Variants in FHIT observed in about 807,000 individuals in gnomAD.
FHIT encodes the protein fragile histidine triad diadenosine triphosphatase.
A neutral mutation model predicts 17.9 loss-of-function variants in FHIT; 19 were observed. The observed-to-expected ratio is 1.06, with a 90% CI of 0.74 to 1.56. The LOEUF is 1.56. Among genes scored for constraint, FHIT ranks in the 40% most tolerant of loss-of-function variants. FHIT has a pLI of 0.00. For missense variants in FHIT, 248 were observed against 189.2 expected, an observed-to-expected ratio of 1.31 and a Z score of -1.82; for synonymous variants, 81 against 69.7, an observed-to-expected ratio of 1.16 and a Z score of -0.81.
chr3:60,945,817 A>G (rs12493259), intron 3 of FHIT, among the ~76,000 whole-genome samples: 38,583 of 152,108 alleles, frequency 0.25, 6,039 homozygotes, highest in East Asian at 0.6. Context: ...CAACTGATTG[A>G]GAGAGCTGGG....
intron 5 of FHIT, among the ~76,000 whole-genome samples, chr3:60,417,610 G>A (rs928710557): frequency 5.9e-5 from 9 of 152,244 alleles, no homozygotes; most frequent in East Asian, 1.9e-4. Flanking sequence ...TTTTTATACT[G>A]AATGTCATCA....
chr3:60,890,281 G>A (rs941610873), intron 3 of FHIT, among the ~76,000 whole-genome samples: 1 of 145,280 alleles, frequency 6.9e-6, no homozygotes, highest in Non-Finnish European at 1.5e-5. Flanking sequence ...ATAAACACTT[G>A]TGAAGAGACT....
intron 5 of FHIT, among the ~76,000 whole-genome samples, chr3:60,124,985 T>C (rs981518546): frequency 6.6e-6 from 1 of 152,188 alleles, no homozygotes; most frequent in African/African-American, 2.4e-5. Flanking sequence ...TTTTAGTAAG[T>C]TCCCAAATGC....
intron 7 of FHIT, among the ~76,000 whole-genome samples, chr3:59,934,267 C>T (rs1385813): frequency 0.055 from 8,377 of 152,130 alleles, 265 homozygotes; most frequent in South Asian, 0.085. Context: ...GGCCGAGGAA[C>T]GTGGAATGAG....
intron 8 of FHIT, among the ~76,000 whole-genome samples, chr3:59,865,006 T>G (rs1331685482): frequency 2.0e-5 from 3 of 152,162 alleles, no homozygotes; most frequent in African/African-American, 7.2e-5. Flanking sequence ...TAATTAATGA[T>G]CCACATTCAG....
intron 5 of FHIT, among the ~76,000 whole-genome samples, chr3:60,388,704 T>C (rs993127676): frequency 1.3e-5 from 2 of 152,230 alleles, no homozygotes; most frequent in African/African-American, 4.8e-5. Context: ...ACATTGCTAC[T>C]TACTTTCCTC....
intron 4 of FHIT, among the ~76,000 whole-genome samples, chr3:60,590,025 C>A (rs1237746295): frequency 3.3e-5 from 5 of 152,068 alleles, no homozygotes; most frequent in Non-Finnish European, 7.4e-5. Flanking sequence ...AGAGAGGACA[C>A]ATCTACAAGA....
At chr3:60,888,557 C>T (rs1333817599) in intron 3 of FHIT, among the ~76,000 whole-genome samples, 2 of 151,850 alleles carry the variant, frequency 1.3e-5, no homozygotes, top group Admixed American at 6.6e-5. Context: ...TTTAGAATAA[C>T]ATGTCAAATT....
At chr3:61,094,019 T>C (rs761130143) in intron 2 of FHIT, among the ~76,000 whole-genome samples, 4 of 152,184 alleles carry the variant, frequency 2.6e-5, no homozygotes, top group Non-Finnish European at 4.4e-5. Flanking sequence ...TCAAATGAGT[T>C]TTCCCTGTAG....
At chr3:60,690,461 T>A in intron 4 of FHIT, 1 of 575,020 alleles carries the variant, frequency 1.7e-6, no homozygotes, top group Non-Finnish European at 3.5e-6. Flanking sequence ...AGGATGAAGT[T>A]CTCGTCATCA....
At chr3:60,189,652 A>G (rs1702312711) in intron 5 of FHIT, among the ~76,000 whole-genome samples, 1 of 152,220 alleles carries the variant, frequency 6.6e-6, no homozygotes, top group African/African-American at 2.4e-5. Flanking sequence ...ATCATTACAG[A>G]ATTCACTAGA....
At chr3:60,838,101 C>CTCTTT (rs1233601913) in intron 3 of FHIT, among the ~76,000 whole-genome samples, 1 of 152,162 alleles carries the variant, frequency 6.6e-6, no homozygotes, top group Non-Finnish European at 1.5e-5. Context: ...AATTAGATAA[C>CTCTTT]TCTTTTCTTT....
chr3:60,195,028 T>C (rs1164957939), intron 5 of FHIT, among the ~76,000 whole-genome samples: 1 of 152,070 alleles, frequency 6.6e-6, no homozygotes, highest in Non-Finnish European at 1.5e-5. Context: ...TAGCCAGGCA[T>C]AGCGGCAGGG....
intron 5 of FHIT, among the ~76,000 whole-genome samples, chr3:60,072,892 C>G (rs73093924): frequency 6.6e-6 from 1 of 152,224 alleles, no homozygotes; most frequent in East Asian, 1.9e-4. Context: ...GGGAGAGATT[C>G]AACCATCTCC....
At chr3:59,904,491 A>G (rs1424558393) in intron 8 of FHIT, among the ~76,000 whole-genome samples, 1 of 152,138 alleles carries the variant, frequency 6.6e-6, no homozygotes, top group Non-Finnish European at 1.5e-5. Context: ...ATTCCCCACA[A>G]TCAGGAGACA....
intron 4 of FHIT, among the ~76,000 whole-genome samples, chr3:60,570,473 T>C (rs567447519): frequency 3.3e-5 from 5 of 152,172 alleles, no homozygotes; most frequent in African/African-American, 1.2e-4. Flanking sequence ...GATAAGAACC[T>C]GTAACTTATC....
At chr3:60,911,048 T>C (rs1706715497) in intron 3 of FHIT, among the ~76,000 whole-genome samples, 1 of 152,126 alleles carries the variant, frequency 6.6e-6, no homozygotes, top group South Asian at 2.1e-4. Context: ...TGAGAACCAA[T>C]GCTGTTTTTG....
intron 5 of FHIT, among the ~76,000 whole-genome samples, chr3:60,152,618 TAAC>T (rs1700514406): frequency 6.6e-6 from 1 of 152,040 alleles, no homozygotes; most frequent in Non-Finnish European, 1.5e-5. Flanking sequence ...AACCCCAAAA[TAAC>T]AAAGGAAAAC....
intron 5 of FHIT, among the ~76,000 whole-genome samples, chr3:60,478,515 TA>T (rs1164141725): frequency 7.2e-5 from 11 of 152,160 alleles, no homozygotes; most frequent in Non-Finnish European, 1.5e-4. Context: ...GCACTTTACA[TA>T]AAAAAACAAT....
Sources: allele counts gnomAD v4.1 joint callset (sites outside exome capture counted in the v4.1 genomes callset), GRCh38; gene constraint gnomAD v4.1.1; transcripts MANE v1.5; gene names NCBI Gene and HGNC (gene_info 2026-07-23, HGNC 2026-07-21).